The following ERICH3 variants were observed in gnomAD, a reference collection of about 807,000 sequenced individuals.
ERICH3 encodes the protein glutamate-rich protein 3.
Under a neutral mutation model 131.1 loss-of-function variants are expected in ERICH3, and 126 were observed. The ratio of observed to expected loss-of-function variants is 0.96; its 90% CI spans 0.83 to 1.11. ERICH3 has a LOEUF of 1.11. ERICH3 is among the 50% of genes most tolerant of loss of function. ERICH3 has a pLI of 0.00. For synonymous variants in ERICH3, 695 were observed against 644.6 expected, an observed-to-expected ratio of 1.08 and a Z score of -1.18; for missense variants, 2,050 against 1,810.7, an observed-to-expected ratio of 1.13 and a Z score of -2.40.
At chr1:74,616,340 G>A (rs1036198908) in intron 8 of ERICH3, among the ~76,000 whole-genome samples, 3 of 151,898 alleles carry the variant, frequency 2.0e-5, no homozygotes, top group African/African-American at 7.3e-5. Flanking sequence ...TTCTAATAAG[G>A]GCAAGCAACA....
rs751045981 is a variant in ERICH3, at chr1:74,589,734, A to T, written c.2073T>A (p.His691Gln). 1 of 1,614,014 alleles carries T rather than the reference A, an allele frequency of 6.2e-7. No individual in the cohort carries two copies. Residue 691 changes from histidine (H) to glutamine (Q), a missense_variant, in exon 12 of 15, where the codon CAT (histidine) becomes CAA (glutamine). His to Gln is a conservative substitution (Grantham distance 24). Coordinates refer to ENST00000326665, the MANE Select transcript of ERICH3 (RefSeq NM_001002912.5). ...CCTTTTCCTTTTCTTCTGCAGAAAC[A>T]TGTTTCCCGGACTTCTCAGATAAAC... ...AEGLSEKSGK[H>Q]VSAEEKEKDK...
intron 3 of ERICH3, among the ~76,000 whole-genome samples, chr1:74,644,098 G>T (rs1406478910): frequency 6.6e-6 from 1 of 151,984 alleles, no homozygotes; most frequent in African/African-American, 2.4e-5. Flanking sequence ...ATATTTGAGA[G>T]TGTTTTATTC....
intron 6 of ERICH3, chr1:74,634,586 G>T: frequency 1.5e-6 from 1 of 683,890 alleles, no homozygotes; most frequent in Non-Finnish European, 2.7e-6. Flanking sequence ...CTGATTGATG[G>T]TGTTCACATG....
intron 6 of ERICH3, among the ~76,000 whole-genome samples, chr1:74,635,216 A>G (rs1271556114): frequency 6.6e-6 from 1 of 152,160 alleles, no homozygotes; most frequent in Non-Finnish European, 1.5e-5. Context: ...ACTAATTGAC[A>G]TAAGACTCAA....
Position 74,606,627 on chromosome 1 carries a change from T to C in ERICH3, c.1463A>G (p.Asp488Gly). ...ATATTTTAAAGTATTTTCCTGGTCG[T>C]CTTCCAAGACTTCTTGTCCTGGTTT... ...KGKPGQEVLE[D>G]DQENTLKYEY... The change falls in exon 10 of 15, where the codon GAC (aspartate) becomes GGC (glycine). Residue 488 changes from aspartate to glycine, a missense_variant. Transcript: ENST00000326665. 6 of 1,609,106 alleles carry C rather than the reference T, an allele frequency of 3.7e-6. No individual in the cohort carries two copies. Among genetic ancestry groups the C allele is most frequent in the Non-Finnish European group, 4.2e-6 (5 of 1,177,818 alleles).
Position 74,571,175 on chromosome 1 carries a change from T to A in ERICH3, c.4535A>T (p.His1512Leu). Reference sequence around the variant, plus strand: ...AGTCTCGCTTTCTCCTTGCACCATATGCTGTTGCTTCTCTCGGGTTTCAGT... The same window carrying A: ...AGTCTCGCTTTCTCCTTGCACCATAAGCTGTTGCTTCTCTCGGGTTTCAGT... ...DFTETREKQQ[H>L]MVQGESETAD... Residue 1512 changes from histidine (H) to leucine (L), a missense_variant, in exon 14 of 15, where the codon CAT (histidine) becomes CTT (leucine). Coordinates refer to ENST00000326665, the MANE Select transcript of ERICH3 (RefSeq NM_001002912.5). 1 of 1,614,158 alleles carries A rather than the reference T, an allele frequency of 6.2e-7. No individual in the cohort carries two copies. Among genetic ancestry groups the A allele is most frequent in the Non-Finnish European group, 8.5e-7 (1 of 1,180,020 alleles).
chr1:74,630,823 G>C (rs1183357516), intron 7 of ERICH3, among the ~76,000 whole-genome samples: 1 of 151,978 alleles, frequency 6.6e-6, no homozygotes, highest in Non-Finnish European at 1.5e-5. Flanking sequence ...CAGGGCAAGG[G>C]TGGGCCTTGG....
intron 10 of ERICH3, among the ~76,000 whole-genome samples, chr1:74,603,079 G>A (rs958782230): frequency 6.6e-6 from 1 of 151,832 alleles, no homozygotes; most frequent in Non-Finnish European, 1.5e-5. Context: ...AATATGAGGT[G>A]GGGAAGAAGA....
At chr1:74,616,001 G>T (rs1350849817) in intron 8 of ERICH3, among the ~76,000 whole-genome samples, 1 of 151,980 alleles carries the variant, frequency 6.6e-6, no homozygotes, top group Non-Finnish European at 1.5e-5. Context: ...GTTTGTTTTG[G>T]TTTTGGTTTT....
intron 13 of ERICH3, among the ~76,000 whole-genome samples, chr1:74,576,136 A>G (rs573214052): frequency 1.6e-4 from 25 of 152,344 alleles, no homozygotes; most frequent in African/African-American, 5.5e-4. Flanking sequence ...TATTCATGAA[A>G]TGGGAATAGC....
chr1:74,643,321 C>A (rs1206565248), intron 3 of ERICH3, among the ~76,000 whole-genome samples: 1 of 152,060 alleles, frequency 6.6e-6, no homozygotes, highest in African/African-American at 2.4e-5. Flanking sequence ...GTGTTCATAA[C>A]CTTTAACCCT....
intron 11 of ERICH3, among the ~76,000 whole-genome samples, chr1:74,592,989 A>G (rs966168220): frequency 6.6e-6 from 1 of 152,136 alleles, no homozygotes; most frequent in African/African-American, 2.4e-5. Flanking sequence ...TTGCTTTGTC[A>G]TTAGGAGGGA....
At chr1:74,626,056 G>A (rs1470738609) in intron 7 of ERICH3, 2 of 152,060 alleles carry the variant, frequency 1.3e-5, no homozygotes, top group African/African-American at 4.8e-5. Context: ...TGATATTTTA[G>A]ATATACTTGA....
chr1:74,644,214 C>T (rs1053191034), intron 3 of ERICH3, among the ~76,000 whole-genome samples: 4 of 151,948 alleles, frequency 2.6e-5, no homozygotes, highest in African/African-American at 9.7e-5. Context: ...CTTCTTAACA[C>T]TTCCCTTTCC....
At chr1:74,633,486 G>A (rs900289080) in intron 6 of ERICH3, among the ~76,000 whole-genome samples, 8 of 151,904 alleles carry the variant, frequency 5.3e-5, no homozygotes, top group Non-Finnish European at 8.8e-5. Context: ...TTATTTCTGA[G>A]TAGGCATCAA....
At chr1:74,630,652 A>G (rs140114558) in intron 7 of ERICH3, among the ~76,000 whole-genome samples, 1 of 152,288 alleles carries the variant, frequency 6.6e-6, no homozygotes, top group African/African-American at 2.4e-5. Flanking sequence ...ACAGAAGTCT[A>G]AGGTTGCAGC....
chr1:74,612,881 C>T, intron 8 of ERICH3, 72 bp from the exon 9 acceptor site: 1 of 1,307,454 alleles, frequency 7.6e-7, no homozygotes, highest in South Asian at 1.6e-5. Context: ...TCATGTTTTT[C>T]TATTAGATAA....
Position 74,572,788 on chromosome 1 carries a change from A to C in ERICH3, c.2922T>G (p.Ile974Met). Residue 974 changes from isoleucine (I) to methionine (M), a missense_variant, in exon 14 of 15, where the codon ATT (isoleucine) becomes ATG (methionine). Coordinates refer to ENST00000326665, the MANE Select transcript of ERICH3 (RefSeq NM_001002912.5). ...SKREDGSEEA[I>M]LGGEEPAKER... ...CTTTGGCTGGTTCCTCTCCCCCAAG[A>C]ATTGCCTCTTCAGAACCGTCCTCTC... The C allele has an allele frequency of 6.2e-7, 1 of 1,613,676 alleles. No individual in the cohort carries two copies. The highest frequency in any genetic ancestry group is 8.5e-7 in the Non-Finnish European group (1 of 1,179,930).
chr1:74,639,086 G>C (rs1416545709), intron 5 of ERICH3, among the ~76,000 whole-genome samples: 1 of 152,060 alleles, frequency 6.6e-6, no homozygotes, highest in Non-Finnish European at 1.5e-5. Context: ...AAGCCTATAT[G>C]GTCCAAAAGG....
Sources: allele counts gnomAD v4.1 joint callset (sites outside exome capture counted in the v4.1 genomes callset), GRCh38; gene constraint gnomAD v4.1.1; transcripts MANE v1.5; gene names NCBI Gene and HGNC (gene_info 2026-07-23, HGNC 2026-07-21).